CNOT2: variants seen among roughly 807,000 people sequenced by gnomAD.
CNOT2 encodes the protein CCR4-NOT transcription complex subunit 2, also known as CC chemokine receptor 4-negative regulator of transcription 2.
CNOT2 carries 7 observed loss-of-function variants against 72.1 expected under a neutral mutation model. The observed-to-expected ratio is 0.10, with a 90% CI of 0.06 to 0.18. The LOEUF (loss-of-function observed/expected upper bound fraction) is 0.18. Ranked by LOEUF, CNOT2 falls within the 10% of genes least tolerant of loss-of-function variation. CNOT2 has a pLI of 1.00. For missense variants in CNOT2, 345 were observed against 660.3 expected (o/e 0.52, Z 5.23); for synonymous variants, 196 against 225.6 (o/e 0.87, Z 1.17).
intron 2 of CNOT2, among the ~76,000 whole-genome samples, chr12:70,296,419 T>C (rs1872802452): frequency 6.6e-6 from 1 of 152,144 alleles, no homozygotes; most frequent in South Asian, 2.1e-4. Context: ...AGGCCTTTTT[T>C]GCTTATTTAT....
intron 13 of CNOT2, among the ~76,000 whole-genome samples, chr12:70,343,623 G>A (rs1279092344): frequency 6.6e-6 from 1 of 152,076 alleles, no homozygotes; most frequent in South Asian, 2.1e-4. Flanking sequence ...TATATATTTG[G>A]CACTCTACAA....
At chr12:70,250,806 A>G (rs1328641816) in intron 1 of CNOT2, among the ~76,000 whole-genome samples, 1 of 152,170 alleles carries the variant, frequency 6.6e-6, no homozygotes, top group Non-Finnish European at 1.5e-5. Context: ...ACAATTACTT[A>G]GTGCTTTCTG....
chr12:70,269,160 T>C (rs1959172022), intron 1 of CNOT2, among the ~76,000 whole-genome samples: 1 of 152,178 alleles, frequency 6.6e-6, no homozygotes, highest in Admixed American at 6.5e-5. Flanking sequence ...TGGATTCTGT[T>C]TTCTCTCACT....
chr12:70,269,014 C>T (rs1959170549), intron 1 of CNOT2, among the ~76,000 whole-genome samples: 1 of 152,138 alleles, frequency 6.6e-6, no homozygotes, highest in Admixed American at 6.5e-5. Context: ...TTCAAAGTAG[C>T]ACTTTTTCCT....
intron 2 of CNOT2, among the ~76,000 whole-genome samples, chr12:70,306,837 A>G (rs1450238928): frequency 2.6e-5 from 4 of 152,212 alleles, no homozygotes; most frequent in Admixed American, 6.5e-5. Flanking sequence ...TGCGTCAGGC[A>G]CTTTTGTGAA....
chr12:70,247,983 T>C (rs1957963765), intron 1 of CNOT2, among the ~76,000 whole-genome samples: 1 of 152,202 alleles, frequency 6.6e-6, no homozygotes, highest in African/African-American at 2.4e-5. Context: ...GGGAAGTGTG[T>C]GTAAAGTTAG....
intron 4 of CNOT2, chr12:70,322,519 T>G (rs1011084606): frequency 4.6e-5 from 7 of 151,930 alleles, no homozygotes; most frequent in Admixed American, 4.6e-4. Flanking sequence ...GCTTTCTGTG[T>G]GCATATTATC....
rs73141316 is a variant in CNOT2 at position 70,351,503 on chromosome 12, A to G, written c.1537-2326A>G. Among the ~76,000 whole-genome samples the G allele has an allele frequency of 3.1e-3, 476 of 152,314 alleles. 2 individuals are homozygous for G. The highest frequency in any genetic ancestry group is 5.0e-3 in the Non-Finnish European group (337 of 68,012). On this transcript the variant is annotated intron_variant, in intron 15 of 15. Coordinates refer to ENST00000229195, the MANE Select transcript of CNOT2 (RefSeq NM_014515.7). ...TGTAATTTCTAAATCTCTGATCTCT[A>G]TATCAAAATTTCTAAATCTCTATAT...
intron 4 of CNOT2, among the ~76,000 whole-genome samples, chr12:70,326,067 T>C (rs1375449537): frequency 6.6e-6 from 1 of 151,798 alleles, no homozygotes; most frequent in Non-Finnish European, 1.5e-5. Flanking sequence ...TTCTGAAAAA[T>C]GATCAATAAG....
chr12:70,261,259 T>C (rs1454534295), intron 1 of CNOT2, among the ~76,000 whole-genome samples: 2 of 151,496 alleles, frequency 1.3e-5, no homozygotes, highest in African/African-American at 4.8e-5. Context: ...GCTGTATTTG[T>C]TTTCTGGTAT....
At chr12:70,320,494 A>G (rs1257033349) in intron 4 of CNOT2, among the ~76,000 whole-genome samples, 2 of 151,768 alleles carry the variant, frequency 1.3e-5, no homozygotes, top group East Asian at 3.9e-4. Context: ...GTTATTCTGT[A>G]TTAACAGTTT....
intron 2 of CNOT2, among the ~76,000 whole-genome samples, chr12:70,308,378 G>A (rs1875808841): frequency 6.6e-6 from 1 of 151,876 alleles, no homozygotes; most frequent in South Asian, 2.1e-4. Context: ...GCATTCATGG[G>A]GGAGAGTAAA....
chr12:70,260,214 G>A (rs1958680574), intron 1 of CNOT2, among the ~76,000 whole-genome samples: 1 of 152,110 alleles, frequency 6.6e-6, no homozygotes, highest in Admixed American at 6.5e-5. Context: ...TGATAGAATT[G>A]TGTTGAAACT....
At chr12:70,278,299 T>A (rs770266923) in intron 2 of CNOT2, 25 bp downstream of exon 2, 3 of 1,515,390 alleles carry the variant, frequency 2.0e-6, no homozygotes, top group Admixed American at 1.7e-5. Flanking sequence ...TCTTCTTTTT[T>A]CTCTATTGGT....
At chr12:70,301,434 C>T (rs1387913936) in intron 2 of CNOT2, among the ~76,000 whole-genome samples, 1 of 152,062 alleles carries the variant, frequency 6.6e-6, no homozygotes, top group Non-Finnish European at 1.5e-5. Flanking sequence ...GCATGAAGAG[C>T]TGTTGAATTT....
chr12:70,291,330 G>A (rs565982628), intron 2 of CNOT2, among the ~76,000 whole-genome samples: 44 of 152,290 alleles, frequency 2.9e-4, no homozygotes, highest in African/African-American at 1.0e-3. Flanking sequence ...AATATAAGAT[G>A]TTTTCAAGGA....
chr12:70,340,430 A>G (rs889482539), intron 11 of CNOT2, among the ~76,000 whole-genome samples: 2 of 152,008 alleles, frequency 1.3e-5, no homozygotes, highest in Non-Finnish European at 2.9e-5. Flanking sequence ...TTTAAATACC[A>G]TATATATTGA....
At chr12:70,258,178 C>A (rs1593047208) in intron 1 of CNOT2, among the ~76,000 whole-genome samples, 1 of 152,034 alleles carries the variant, frequency 6.6e-6, no homozygotes, top group African/African-American at 2.4e-5. Flanking sequence ...TCCGTGGTCC[C>A]CTCCCAAGCA....
intron 1 of CNOT2, 117 bp from the exon 2 acceptor site, chr12:70,278,015 G>A (rs574292275): frequency 4.1e-6 from 2 of 483,778 alleles, no homozygotes; most frequent in African/African-American, 3.9e-5. Context: ...GAAGACTAGA[G>A]TATAGAACAA....
Sources: gnomAD v4.1 joint callset for allele counts (sites outside exome capture counted in the v4.1 genomes callset) on GRCh38, gnomAD v4.1.1 for gene constraint, MANE v1.5 for transcripts, NCBI Gene and HGNC (gene_info 2026-07-23, HGNC 2026-07-21) for gene names.